LRRC72: variants seen among roughly 807,000 people sequenced by gnomAD.
The protein encoded by LRRC72 is leucine rich repeat containing 72.
LRRC72 carries 41 observed loss-of-function variants against 35.8 expected under a neutral mutation model. The ratio of observed to expected loss-of-function variants is 1.15; its 90% confidence interval spans 0.89 to 1.49. The LOEUF (loss-of-function observed/expected upper bound fraction) is 1.49. LRRC72 is among the 40% of genes most tolerant of loss of function. The pLI is 0.00. For missense variants in LRRC72, 389 were observed against 330.7 expected (o/e 1.18, Z -1.37); for synonymous variants, 118 against 119.2 (o/e 0.99, Z 0.07).
intron 1 of LRRC72, among the ~76,000 whole-genome samples, chr7:16,528,641 G>T (rs907201042): frequency 6.6e-6 from 1 of 152,128 alleles, no homozygotes; most frequent in Non-Finnish European, 1.5e-5. Flanking sequence ...GGCAGACTTT[G>T]TTTCCCAGAG....
intron 7 of LRRC72, among the ~76,000 whole-genome samples, chr7:16,571,042 T>C (rs1782935352): frequency 6.6e-6 from 1 of 151,992 alleles, no homozygotes; most frequent in Non-Finnish European, 1.5e-5. Flanking sequence ...AATGCCTCAA[T>C]TTTAAATTAC....
chr7:16,536,473 C>T (rs1204582973), intron 2 of LRRC72, among the ~76,000 whole-genome samples: 1 of 151,702 alleles, frequency 6.6e-6, no homozygotes, highest in East Asian at 1.9e-4. Flanking sequence ...TGCAATAAGC[C>T]TGCAACTTTA....
chr7:16,537,667 T>A lies in LRRC72; in HGVS notation c.205T>A (p.Leu69Ile). The A allele has an allele frequency of 1.3e-6, 2 of 1,526,430 alleles. No homozygotes were observed. The highest frequency in any genetic ancestry group is 1.8e-6 in the Non-Finnish European group (2 of 1,132,824). 94.6% of individuals were successfully genotyped at this position (1,526,430 alleles called of 1,614,324 possible). A position where few individuals can be genotyped will look rare whatever the true frequency, so the allele number is the denominator to read the frequency against. Reference sequence around the variant, plus strand: ...CATTGATCTTTCTAGGTTTAAAAAATTAAAATACTTATGGCTTCATCATAA... The same window carrying A: ...CATTGATCTTTCTAGGTTTAAAAAAATAAAATACTTATGGCTTCATCATAA... ...EVIDLSRFKK[L>I]KYLWLHHNKL... The change falls in exon 3 of 9, where the codon TTA (leucine) becomes ATA (isoleucine). Residue 69 changes from leucine to isoleucine, a missense_variant. By Grantham distance (5) the Leu-to-Ile change is conservative (BLOSUM62 2). Coordinates refer to ENST00000401542, the MANE Select transcript of LRRC72 (RefSeq NM_001195280.2).
intron 2 of LRRC72, among the ~76,000 whole-genome samples, chr7:16,536,277 T>C (rs1782255887): frequency 6.6e-6 from 1 of 152,072 alleles, no homozygotes; most frequent in African/African-American, 2.4e-5. Context: ...GTTAATGGGA[T>C]ACAGGATTTA....
In LRRC72 at chr7:16,575,091, C is replaced by A. The variant is rs578138284; in HGVS notation, c.671-4983C>A. On this transcript the variant is annotated intron_variant, in intron 7 of 8. Transcript: ENST00000401542. Reference sequence around the variant, plus strand: ...GATCGCATCACTGCACTTTAGCCTGCGTGACAGAGTAAGACTCTGTCTCAG... The same window carrying A: ...GATCGCATCACTGCACTTTAGCCTGAGTGACAGAGTAAGACTCTGTCTCAG... Among the ~76,000 whole-genome samples the A allele has an allele frequency of 5.3e-5, 7 of 132,616 alleles. No individual in the cohort carries two copies. In the East Asian group the frequency reaches 1.9e-3, roughly 35 times the overall value. The allele number at this position is 132,616 out of a possible 152,430, so 87.0% of individuals were successfully genotyped here.
At chr7:16,530,309 G>A (rs1015760331) in intron 1 of LRRC72, 1 of 152,184 alleles carries the variant, frequency 6.6e-6, no homozygotes, top group Admixed American at 6.5e-5. Context: ...GATGTCTGAA[G>A]GCAGAAGATG....
chr7:16,565,684 G>C (rs145999221), intron 5 of LRRC72, among the ~76,000 whole-genome samples: 48 of 152,212 alleles, frequency 3.2e-4, no homozygotes, highest in African/African-American at 1.1e-3. Context: ...AGGAAGTGCG[G>C]TTTATCACAC....
At chr7:16,551,105 C>T (rs1782540468) in intron 3 of LRRC72, among the ~76,000 whole-genome samples, 1 of 152,044 alleles carries the variant, frequency 6.6e-6, no homozygotes, top group Non-Finnish European at 1.5e-5. Flanking sequence ...TAGGGTGGGA[C>T]CTAATGCAAT....
intron 3 of LRRC72, among the ~76,000 whole-genome samples, chr7:16,540,641 T>C (rs545393695): frequency 2.0e-5 from 3 of 152,136 alleles, no homozygotes; most frequent in Non-Finnish European, 2.9e-5. Flanking sequence ...GGGAGGAACC[T>C]GGTGGGAGGT....
At chr7:16,570,123 G>A (rs1357724614) in intron 7 of LRRC72, among the ~76,000 whole-genome samples, 1 of 152,174 alleles carries the variant, frequency 6.6e-6, no homozygotes, top group Non-Finnish European at 1.5e-5. Context: ...GTTCATTGGT[G>A]GAGATTCTGT....
At chr7:16,540,844 G>C (rs1245176017) in intron 3 of LRRC72, among the ~76,000 whole-genome samples, 1 of 152,128 alleles carries the variant, frequency 6.6e-6, no homozygotes, top group African/African-American at 2.4e-5. Flanking sequence ...CCAGCCATGT[G>C]GAACTGTGAG....
chr7:16,541,987 C>G (rs185304639), intron 3 of LRRC72, among the ~76,000 whole-genome samples: 244 of 152,008 alleles, frequency 1.6e-3, no homozygotes, highest in African/African-American at 4.4e-3. Context: ...TGTCCTCGGT[C>G]ACAGTGCGCG....
intron 3 of LRRC72, among the ~76,000 whole-genome samples, chr7:16,550,247 T>A (rs1049632527): frequency 3.9e-5 from 6 of 152,046 alleles, no homozygotes; most frequent in Admixed American, 3.9e-4. Flanking sequence ...GGTGTAGAAC[T>A]GAGAACTGAA....
At chr7:16,554,411 A>G (rs1477751258) in intron 3 of LRRC72, among the ~76,000 whole-genome samples, 2 of 152,122 alleles carry the variant, frequency 1.3e-5, no homozygotes, top group Non-Finnish European at 2.9e-5. Context: ...AATGTTCCTG[A>G]CCTTAACAAC....
chr7:16,570,710 C>T (rs926270749), intron 7 of LRRC72, among the ~76,000 whole-genome samples: 22 of 152,100 alleles, frequency 1.4e-4, no homozygotes, highest in Admixed American at 4.6e-4. Flanking sequence ...ATCCCAGCTA[C>T]TCAGGAGGCT....
At chr7:16,577,915 T>C (rs903961342) in intron 7 of LRRC72, among the ~76,000 whole-genome samples, 9 of 152,186 alleles carry the variant, frequency 5.9e-5, no homozygotes, top group Admixed American at 3.9e-4. Flanking sequence ...ATTCATGTTA[T>C]TGATGGGAAT....
chr7:16,557,983 C>G (rs1014885770), intron 4 of LRRC72, among the ~76,000 whole-genome samples: 3 of 145,794 alleles, frequency 2.1e-5, no homozygotes, highest in East Asian at 1.9e-4. Flanking sequence ...TAAGGCCCAT[C>G]ATGATGTCAT....
chr7:16,549,237 T>A (rs1782505790), intron 3 of LRRC72, among the ~76,000 whole-genome samples: 1 of 152,250 alleles, frequency 6.6e-6, no homozygotes, highest in African/African-American at 2.4e-5. Context: ...TTGGACATCA[T>A]GGCTAAGAAT....
intron 4 of LRRC72, among the ~76,000 whole-genome samples, chr7:16,558,379 C>T (rs766540970): frequency 2.0e-5 from 3 of 152,100 alleles, no homozygotes; most frequent in African/African-American, 4.8e-5. Context: ...GAGGCCTAGG[C>T]GGGCAGATCA....
Sources: gnomAD v4.1 joint callset for allele counts (sites outside exome capture counted in the v4.1 genomes callset) on GRCh38, gnomAD v4.1.1 for gene constraint, MANE v1.5 for transcripts, NCBI Gene and HGNC (gene_info 2026-07-23, HGNC 2026-07-21) for gene names.